Variants in NNMT observed in about 807,000 individuals in gnomAD.
NNMT encodes nicotinamide N-methyltransferase.
Under a neutral mutation model 11.7 loss-of-function variants are expected in NNMT, and 10 were observed. The observed-to-expected ratio is 0.85, with a 90% CI of 0.53 to 1.45. The LOEUF (loss-of-function observed/expected upper bound fraction) is 1.45, where lower values mean the gene tolerates loss of function less well. Among genes scored for constraint, NNMT ranks in the 40% most tolerant of loss-of-function variants. The probability of loss-of-function intolerance (pLI) is 0.00; values close to 1 mark genes in which losing one functional copy is unlikely to be tolerated. For synonymous variants in NNMT, 143 were observed against 133.8 expected (o/e 1.07, Z -0.48); for missense variants, 381 against 319.4 (o/e 1.19, Z -1.47).
intron 2 of NNMT, among the ~76,000 whole-genome samples, chr11:114,301,427 A>G (rs1389441715): frequency 2.6e-5 from 4 of 152,246 alleles, no homozygotes; most frequent in African/African-American, 9.6e-5. Flanking sequence ...ACAATGGAAT[A>G]ATATCCAGTG....
At chr11:114,284,504 T>TCTGGCGC (rs1565722640) in intron 2 of NNMT, among the ~76,000 whole-genome samples, 4 of 152,070 alleles carry the variant, frequency 2.6e-5, no homozygotes, top group African/African-American at 9.7e-5. Context: ...TGGAGTCTTG[T>TCTGGCGC]CCAGGCTGGA....
At chr11:114,260,116 C>G (rs1343684746) in intron 1 of NNMT, among the ~76,000 whole-genome samples, 4 of 152,204 alleles carry the variant, frequency 2.6e-5, no homozygotes, top group South Asian at 2.1e-4. Context: ...ATTCACAGCA[C>G]ACTCAGAATG....
rs187426969 is a variant in NNMT, at chr11:114,261,576, C to T, written c.-216-1272C>T. On this transcript the variant is annotated intron_variant, in intron 1 of 4. Coordinates refer to the NNMT transcript ENST00000535401. ...TCCAGCCTGGGCGACAAGAGCGAAA[C>T]TCCATCTCAAAACAAACAAACAAAC... 1.0e-3 allele frequency among the ~76,000 whole-genome samples: 152 copies of T among 151,330 alleles called. 2 individuals carry two copies. Among genetic ancestry groups the T allele is most frequent in the African/African-American group, 3.5e-3 (144 of 40,702 alleles).
At chr11:114,305,098 G>A (rs1034906722) in intron 2 of NNMT, among the ~76,000 whole-genome samples, 1 of 152,218 alleles carries the variant, frequency 6.6e-6, no homozygotes, top group Non-Finnish European at 1.5e-5. Flanking sequence ...AGGCTGTCAG[G>A]CCCCACTAGC....
intron 2 of NNMT, among the ~76,000 whole-genome samples, chr11:114,301,611 G>T (rs1472602384): frequency 6.6e-6 from 1 of 152,062 alleles, no homozygotes; most frequent in East Asian, 1.9e-4. Flanking sequence ...CTAGGGGTCG[G>T]GGAGGGAGAG....
intron 2 of NNMT, among the ~76,000 whole-genome samples, chr11:114,308,642 C>T (rs752483922): frequency 1.4e-4 from 22 of 152,082 alleles, no homozygotes; most frequent in Non-Finnish European, 2.6e-4. Flanking sequence ...ATGACCACAC[C>T]GCTGTTAGCT....
chr11:114,306,662 T>C (rs1203226260), intron 2 of NNMT, among the ~76,000 whole-genome samples: 1 of 152,110 alleles, frequency 6.6e-6, no homozygotes, highest in Non-Finnish European at 1.5e-5. Context: ...TGGTTGTAGA[T>C]GTGTGGTATT....
At chr11:114,311,879 C>G (rs184765742) in intron 2 of NNMT, among the ~76,000 whole-genome samples, 166 bp from the exon 3 acceptor site, 289 of 152,294 alleles carry the variant, frequency 1.9e-3, no homozygotes, top group Non-Finnish European at 2.4e-3. Context: ...TGGTCTCATT[C>G]AAATGCCAAA....
At chr11:114,260,767 C>T (rs947083210) in intron 1 of NNMT, among the ~76,000 whole-genome samples, 1 of 152,222 alleles carries the variant, frequency 6.6e-6, no homozygotes, top group African/African-American at 2.4e-5. Flanking sequence ...CCAGGCTCTA[C>T]TCTGATGCCA....
intron 2 of NNMT, among the ~76,000 whole-genome samples, chr11:114,284,714 G>A (rs188632638): frequency 0.016 from 2,372 of 150,618 alleles, 55 homozygotes; most frequent in African/African-American, 0.054. Context: ...TGCCCACCTT[G>A]GCCTCCCAAA....
intron 2 of NNMT, among the ~76,000 whole-genome samples, chr11:114,305,898 G>C (rs1326331765): frequency 6.6e-6 from 1 of 152,082 alleles, no homozygotes; most frequent in African/African-American, 2.4e-5. Flanking sequence ...GGTATTTCTA[G>C]TTCTAGATCC....
At chr11:114,282,208 A>G (rs1945267604) in intron 2 of NNMT, among the ~76,000 whole-genome samples, 1 of 152,228 alleles carries the variant, frequency 6.6e-6, no homozygotes, top group African/African-American at 2.4e-5. Flanking sequence ...TGGGCCACAG[A>G]GTGAGACCCT....
At chr11:114,303,138 T>C (rs536947502) in intron 2 of NNMT, among the ~76,000 whole-genome samples, 1 of 152,332 alleles carries the variant, frequency 6.6e-6, no homozygotes, top group East Asian at 1.9e-4. Flanking sequence ...TTCTCTAGTG[T>C]TTTTCATTCC....
intron 2 of NNMT, among the ~76,000 whole-genome samples, chr11:114,269,193 C>T (rs1034712226): frequency 2.0e-5 from 3 of 152,208 alleles, no homozygotes; most frequent in African/African-American, 4.8e-5. Context: ...TATTATCTTA[C>T]ATAATAGCTG....
chr11:114,291,208 A>G (rs1945331909), intron 2 of NNMT, among the ~76,000 whole-genome samples: 1 of 152,216 alleles, frequency 6.6e-6, no homozygotes, highest in Non-Finnish European at 1.5e-5. Context: ...TCAGTTCTTA[A>G]TACATTCCTT....
rs1410012283 is a variant in NNMT, at chr11:114,305,861, C to G, written c.363-6184C>G. Among the ~76,000 whole-genome samples the G allele has an allele frequency of 3.2e-4, 49 of 152,142 alleles. No individual in the cohort carries two copies. The Middle Eastern group carries it at 0.01, about 32-fold the overall frequency. On this transcript the variant is annotated intron_variant, in intron 2 of 2. Coordinates refer to ENST00000299964, the MANE Select transcript of NNMT (RefSeq NM_006169.3). ...TGATTTATAATCCTTTGGGTATATA[C>G]CCAGTAATGGGATGGCTGGGTCAAA...
chr11:114,298,362 A>C (rs941249463), intron 2 of NNMT: 1 of 564,056 alleles, frequency 1.8e-6, no homozygotes, highest in Non-Finnish European at 3.2e-6. Context: ...GCACCAGAGT[A>C]ATGGAAGACA....
At chr11:114,308,230 C>T (rs1441245598) in intron 2 of NNMT, among the ~76,000 whole-genome samples, 1 of 152,108 alleles carries the variant, frequency 6.6e-6, no homozygotes, top group Non-Finnish European at 1.5e-5. Context: ...TGTTCCTTGC[C>T]CGTACAATTC....
At chr11:114,272,098 G>C (rs1945174164) in intron 2 of NNMT, among the ~76,000 whole-genome samples, 1 of 152,144 alleles carries the variant, frequency 6.6e-6, no homozygotes, top group Non-Finnish European at 1.5e-5. Context: ...GATGGTTACT[G>C]AGTCTGAACT....
Sources: allele counts gnomAD v4.1 joint callset (sites outside exome capture counted in the v4.1 genomes callset), GRCh38; gene constraint gnomAD v4.1.1; transcripts MANE v1.5; gene names NCBI Gene and HGNC (gene_info 2026-07-23, HGNC 2026-07-21).